Variants in RTL4 observed in about 807,000 individuals in gnomAD.
The protein encoded by RTL4 is retrotransposon Gag-like protein 4.
In RTL4, 4 loss-of-function variants were observed where a neutral mutation model predicts 5.3. The observed-to-expected ratio is 0.75, with a 90% CI of 0.37 to 1.72. The LOEUF is 1.72. Ranked by LOEUF, RTL4 falls within the 40% of genes most tolerant of loss-of-function variation. The pLI, the probability that RTL4 is intolerant of heterozygous loss-of-function variation, is 0.04. For synonymous variants in RTL4, 98 were observed against 87.3 expected (o/e 1.12, Z -0.68); for missense variants, 260 against 227.1 (o/e 1.14, Z -0.93).
At chrX:112,155,020 G>C in the RTL4 span, among the ~76,000 whole-genome samples, 1 of 110,704 alleles carries the variant, frequency 9.0e-6, no homozygotes, top group Non-Finnish European at 1.9e-5. Context: ...TCATTCATTT[G>C]ACCCTCCACC....
chrX:112,085,356 A>T, the RTL4 span, among the ~76,000 whole-genome samples: 20 of 112,558 alleles, frequency 1.8e-4, no homozygotes, highest in African/African-American at 6.4e-4. Context: ...TGACTGTTAA[A>T]ATGTAATTGA....
the RTL4 span, among the ~76,000 whole-genome samples, chrX:112,188,673 A>G: frequency 1.1e-4 from 12 of 111,018 alleles, no homozygotes; most frequent in Non-Finnish European, 2.3e-4. Flanking sequence ...GTGACTCCAA[A>G]GCATTGGGAA....
chrX:112,200,200 T>G, the RTL4 span, among the ~76,000 whole-genome samples: 6 of 111,850 alleles, frequency 5.4e-5, no homozygotes, highest in Non-Finnish European at 1.1e-4. Context: ...GGCCTAAAAC[T>G]ACTTGGCTTT....
At chrX:112,391,933 C>T in the RTL4 span, among the ~76,000 whole-genome samples, 10 of 110,566 alleles carry the variant, frequency 9.0e-5, no homozygotes, top group East Asian at 2.9e-3. Flanking sequence ...TGCATGTTAG[C>T]AATTGTTCAG....
chrX:112,418,206 G>A, the RTL4 span, among the ~76,000 whole-genome samples: 1 of 111,884 alleles, frequency 8.9e-6, no homozygotes, highest in Non-Finnish European at 1.9e-5. Flanking sequence ...ACACAAGTAT[G>A]TGAATGTACC....
the RTL4 span, among the ~76,000 whole-genome samples, chrX:112,329,551 T>G: frequency 3.6e-5 from 4 of 110,475 alleles, no homozygotes; most frequent in African/African-American, 9.9e-5. Context: ...CAGGACCAGA[T>G]GGATTCACAG....
the RTL4 span, among the ~76,000 whole-genome samples, chrX:112,153,164 G>T: frequency 8.9e-6 from 1 of 112,146 alleles, no homozygotes; most frequent in East Asian, 2.8e-4. Context: ...GGGACTTAGT[G>T]CATATTCTGT....
At chrX:112,296,460 C>T in the RTL4 span, among the ~76,000 whole-genome samples, 23 of 111,294 alleles carry the variant, frequency 2.1e-4, 1 homozygote, top group South Asian at 8.5e-3. Flanking sequence ...GATACTGTGA[C>T]TTCCTACACC....
chrX:112,087,973 C>T, the RTL4 span, among the ~76,000 whole-genome samples: 1 of 110,257 alleles, frequency 9.1e-6, no homozygotes, highest in Non-Finnish European at 1.9e-5. Flanking sequence ...GTGCAACCTT[C>T]ACCTCTATCT....
At chrX:112,094,060 C>T in the RTL4 span, among the ~76,000 whole-genome samples, 1 of 111,699 alleles carries the variant, frequency 9.0e-6, no homozygotes, top group Non-Finnish European at 1.9e-5. Flanking sequence ...AGAAGGATCA[C>T]TCTAGCTATG....
chrX:112,169,020 C>CTTTT, the RTL4 span, among the ~76,000 whole-genome samples: 1 of 50,041 alleles, frequency 2.0e-5, no homozygotes, highest in African/African-American at 8.7e-5. Context: ...TTCTTTCTTT[C>CTTTT]TCTTTCTCTT....
At chrX:112,265,265 C>T in the RTL4 span, among the ~76,000 whole-genome samples, 1 of 112,665 alleles carries the variant, frequency 8.9e-6, no homozygotes, top group Admixed American at 9.4e-5. Flanking sequence ...TTGCCTCCTT[C>T]ATAGAGGTTC....
the RTL4 span, among the ~76,000 whole-genome samples, chrX:112,177,789 C>A: frequency 9.0e-6 from 1 of 110,814 alleles, no homozygotes; most frequent in Non-Finnish European, 1.9e-5. Flanking sequence ...ATTTCTCTAC[C>A]TGGTAATCAC....
the RTL4 span, among the ~76,000 whole-genome samples, chrX:112,391,621 A>C: frequency 9.3e-6 from 1 of 107,673 alleles, no homozygotes; most frequent in Non-Finnish European, 1.9e-5. Flanking sequence ...GGTGTGATCT[A>C]GTAGGTGGCA....
chrX:112,393,147 C>CTTTTTTTTTTTTTT, the RTL4 span, among the ~76,000 whole-genome samples: 2 of 81,475 alleles, frequency 2.5e-5, no homozygotes, highest in African/African-American at 5.1e-5. Flanking sequence ...TTCTTTCTTT[C>CTTTTTTTTTTTTTT]TTTTTTTTTT....
chrX:112,176,041 C>G, the RTL4 span, among the ~76,000 whole-genome samples: 1 of 110,712 alleles, frequency 9.0e-6, no homozygotes, highest in Admixed American at 9.6e-5. Context: ...TCTCAGGATA[C>G]AAAATCAATG....
At chrX:112,211,670 G>GT in the RTL4 span, among the ~76,000 whole-genome samples, 1 of 111,896 alleles carries the variant, frequency 8.9e-6, no homozygotes, top group Non-Finnish European at 1.9e-5. Context: ...AATTGTAGTG[G>GT]TTAAGAGCAC....
At chrX:112,197,760 T>C in the RTL4 span, among the ~76,000 whole-genome samples, 1 of 111,601 alleles carries the variant, frequency 9.0e-6, no homozygotes, top group African/African-American at 3.3e-5. Context: ...TCTCTACCCT[T>C]CAGAATTTTC....
chrX:112,440,965 G>C, the RTL4 span, among the ~76,000 whole-genome samples: 58 of 98,124 alleles, frequency 5.9e-4, 1 homozygote, highest in South Asian at 0.025. Flanking sequence ...TTGTACTAAA[G>C]CATTAGGAAT....
Sources: allele counts gnomAD v4.1 joint callset (sites outside exome capture counted in the v4.1 genomes callset), GRCh38; gene constraint gnomAD v4.1.1; transcripts MANE v1.5; gene names NCBI Gene and HGNC (gene_info 2026-07-23, HGNC 2026-07-21).